BCLAF3: variants seen among roughly 807,000 people sequenced by gnomAD.
BCLAF3 encodes transient octamer binding factor 1.
In BCLAF3, 24 loss-of-function variants were observed where a neutral mutation model predicts 51.2. The observed-to-expected ratio is 0.47, with a 90% CI of 0.34 to 0.66. The LOEUF is 0.66. Ranked by LOEUF, BCLAF3 falls within the 30% of genes least tolerant of loss-of-function variation. BCLAF3 has a pLI of 0.01. For missense variants in BCLAF3, 465 were observed against 525.1 expected (o/e 0.89, Z 1.12); for synonymous variants, 152 against 176.6 (o/e 0.86, Z 1.10).
intron 8 of BCLAF3, among the ~76,000 whole-genome samples, chrX:19,944,298 T>C (rs1173517978): frequency 8.8e-5 from 3 of 34,199 alleles, no homozygotes; most frequent in Non-Finnish European, 1.4e-4. Context: ...TTGTTATGTG[T>C]GAATTTGATC....
intron 1 of BCLAF3, among the ~76,000 whole-genome samples, chrX:19,987,311 C>T (rs2072835210): frequency 9.0e-6 from 1 of 111,514 alleles, no homozygotes; most frequent in South Asian, 3.7e-4. Context: ...ACTGAATTTA[C>T]TTATTTATTT....
chrX:19,940,831 C>T lies in BCLAF3; in HGVS notation c.1746-3299G>A, dbSNP rs1361332875. 3.0e-4 allele frequency among the ~76,000 whole-genome samples: 33 copies of T among 111,439 alleles called. 1 individual carries two copies. Among genetic ancestry groups the T allele is most frequent in the Admixed American group, 1.9e-4 (2 of 10,514 alleles). ...AAATGGTATTTCTAGTTCTAGATCC[C>T]TGAGGAATTGCCACACTGACTTCCA... On this transcript the variant is annotated intron_variant, in intron 8 of 11. Coordinates refer to ENST00000379682, the MANE Select transcript of BCLAF3 (RefSeq NM_001367774.2).
Position 19,965,649 on chromosome X carries a change from G to A in BCLAF3, c.669C>T (p.Asp223=), listed in dbSNP as rs370460067. The part of the protein sequence containing the change: ...KYGHTSKRPK[D]VERYESREPA... ...GCTCTCTGCTTTCATACCTCTCCAC[G>A]TCTTTAGGTCTTTTTGATGTGTGTC... The change falls in exon 4 of 12, where the codon GAC becomes GAT. Residue 223 remains aspartate (D), a synonymous_variant. Transcript: ENST00000379682. The A allele has an allele frequency of 2.0e-5, 23 of 1,142,142 alleles. No homozygotes were observed. Among genetic ancestry groups the A allele is most frequent in the African/African-American group, 1.3e-4 (7 of 54,402 alleles). The allele number at this position is 1,142,142 out of a possible 1,213,427, so 94.1% of individuals were successfully genotyped here. A position where few individuals can be genotyped will look rare whatever the true frequency, so the allele number is the denominator to read the frequency against.
At chrX:19,960,147 C>T (rs545931323) in intron 4 of BCLAF3, among the ~76,000 whole-genome samples, 1 of 111,275 alleles carries the variant, frequency 9.0e-6, no homozygotes, top group African/African-American at 3.3e-5. Context: ...ACTTTCTTGG[C>T]TTTTATTTTT....
chrX:19,968,565 G>A (rs917993798), intron 2 of BCLAF3, among the ~76,000 whole-genome samples: 1 of 112,805 alleles, frequency 8.9e-6, no homozygotes, highest in Admixed American at 9.3e-5. Flanking sequence ...CAGCCCTCAC[G>A]GGACCCAGAG....
intron 9 of BCLAF3, among the ~76,000 whole-genome samples, chrX:19,936,122 T>C (rs936454177): frequency 7.2e-5 from 8 of 111,862 alleles, no homozygotes; most frequent in East Asian, 5.6e-4. Flanking sequence ...GGAGCCAGGA[T>C]CATTTACGCC....
intron 1 of BCLAF3, among the ~76,000 whole-genome samples, chrX:19,990,655 G>T (rs960472442): frequency 1.8e-5 from 2 of 113,314 alleles, no homozygotes; most frequent in Admixed American, 1.8e-4. Flanking sequence ...GGGTCGCCGT[G>T]CCTGTCGAGG....
chrX:19,965,996 G>A (rs1166943415), intron 3 of BCLAF3, 84 bp downstream of exon 3: 2 of 893,314 alleles, frequency 2.2e-6, no homozygotes, highest in Non-Finnish European at 3.1e-6. Context: ...GCTTTTCAAG[G>A]TGGTTATCTT....
chrX:19,979,416 A>G (rs2072538269), intron 1 of BCLAF3, among the ~76,000 whole-genome samples: 1 of 111,522 alleles, frequency 9.0e-6, no homozygotes, highest in African/African-American at 3.3e-5. Context: ...TTTAGCAATA[A>G]TATATTTTTA....
At chrX:19,945,258 CCTT>C (rs1320780261) in intron 8 of BCLAF3, among the ~76,000 whole-genome samples, 4 of 108,355 alleles carry the variant, frequency 3.7e-5, no homozygotes, top group African/African-American at 1.4e-4. Context: ...TCGTCTGAAG[CCTT>C]CTTCTCTCAG....
At chrX:19,953,115 T>C in intron 6 of BCLAF3, 64 bp from the exon 7 acceptor site, 1 of 880,718 alleles carries the variant, frequency 1.1e-6, no homozygotes, top group Non-Finnish European at 1.6e-6. Flanking sequence ...CTGATTCTAC[T>C]ATTACAGAAC....
chrX:19,947,748 A>T (rs1301850156), intron 8 of BCLAF3, among the ~76,000 whole-genome samples: 1 of 112,058 alleles, frequency 8.9e-6, no homozygotes, highest in East Asian at 2.8e-4. Flanking sequence ...TTCAACAAAT[A>T]TGAACTGAGC....
chrX:19,971,722 T>C (rs765356288), intron 1 of BCLAF3, among the ~76,000 whole-genome samples: 16 of 111,934 alleles, frequency 1.4e-4, no homozygotes, highest in African/African-American at 5.2e-4. Flanking sequence ...CCTGGTGGCT[T>C]CTAGAACGAC....
chrX:19,981,737 G>T (rs1318983679), intron 1 of BCLAF3, among the ~76,000 whole-genome samples: 1 of 112,033 alleles, frequency 8.9e-6, no homozygotes, highest in East Asian at 2.8e-4. Context: ...GACAAACCTG[G>T]AAAACATCAT....
intron 10 of BCLAF3, 183 bp downstream of exon 10, chrX:19,935,626 A>T (rs1308150873): frequency 4.9e-6 from 2 of 407,174 alleles, no homozygotes; most frequent in African/African-American, 5.0e-5. Flanking sequence ...TTGAAAATCA[A>T]GTCCTAAGGA....
At position 19,941,736 on chromosome X, in the gene BCLAF3, G is replaced by A. The variant is rs369282786; in HGVS notation, c.1746-4204C>T. Among the ~76,000 whole-genome samples the A allele has an allele frequency of 4.7e-5, 5 of 106,461 alleles. No individual in the cohort carries two copies. In the East Asian group the frequency reaches 1.2e-3, roughly 25 times the overall value. 92.4% of individuals were successfully genotyped at this position (106,461 alleles called of 115,157 possible). On this transcript the variant is annotated intron_variant, in intron 8 of 11. Coordinates refer to ENST00000379682, the MANE Select transcript of BCLAF3 (RefSeq NM_001367774.2). ...CTCCAGCTTTGTTCTTTTAGCTTAG[G>A]ATTGACTTGGCCATGCGGGCTCTTT...
At chrX:19,969,279 T>C (rs2072177664) in intron 2 of BCLAF3, among the ~76,000 whole-genome samples, 1 of 112,617 alleles carries the variant, frequency 8.9e-6, no homozygotes, top group Middle Eastern at 4.2e-3. Flanking sequence ...GATTAGTTAC[T>C]GCATAACTGA....
At chrX:19,940,002 T>C (rs988679013) in intron 8 of BCLAF3, among the ~76,000 whole-genome samples, 16 of 112,177 alleles carry the variant, frequency 1.4e-4, no homozygotes, top group Admixed American at 2.8e-4. Flanking sequence ...TGGAAGTAGA[T>C]AGTGGTGGTG....
chrX:19,964,703 G>A (rs909517847), intron 4 of BCLAF3, among the ~76,000 whole-genome samples: 19 of 111,641 alleles, frequency 1.7e-4, no homozygotes, highest in Non-Finnish European at 3.4e-4. Flanking sequence ...AACTGAGCAA[G>A]GACTAGGTTT....
Sources: allele counts gnomAD v4.1 joint callset (sites outside exome capture counted in the v4.1 genomes callset), GRCh38; gene constraint gnomAD v4.1.1; transcripts MANE v1.5; gene names NCBI Gene and HGNC (gene_info 2026-07-23, HGNC 2026-07-21).